The following BTBD9 variants were observed in gnomAD, a reference collection of about 807,000 sequenced individuals.
BTBD9 encodes the protein BTB domain containing 9.
A neutral mutation model predicts 64.3 loss-of-function variants in BTBD9; 49 were observed. The observed-to-expected ratio is 0.76, with a 90% CI of 0.61 to 0.97. The LOEUF is 0.97. Ranked by LOEUF, BTBD9 falls within the 50% of genes least tolerant of loss-of-function variation. The probability of loss-of-function intolerance (pLI) is 0.00; values close to 1 mark genes in which losing one functional copy is unlikely to be tolerated. For synonymous variants in BTBD9, 260 were observed against 274.7 expected (o/e 0.95, Z 0.53); for missense variants, 598 against 762.1 (o/e 0.78, Z 2.53).
rs779801771 is a variant in BTBD9 at position 38,592,808 on chromosome 6, T to C, written c.582A>G (p.Ser194=). ...AAATATCTTTTTCGGGAGCTGCAAA[T>C]GAGTCTCTTAACACGATGTTTAAAA... ...TALLNIVLRD[S]FAAPEKDIFL... The change falls in exon 4 of 11, where the codon TCA becomes TCG. Residue 194 remains serine (S), a synonymous_variant. Coordinates refer to ENST00000481247, the MANE Select transcript of BTBD9 (RefSeq NM_001099272.2). 7 of 1,614,186 alleles carry C rather than the reference T, an allele frequency of 4.3e-6. No individual in the cohort carries two copies. The East Asian group carries it at 1.3e-4, about 31-fold the overall frequency.
At chr6:38,578,215 G>T (rs917709572) in intron 5 of BTBD9, among the ~76,000 whole-genome samples, 4 of 152,100 alleles carry the variant, frequency 2.6e-5, no homozygotes, top group Non-Finnish European at 4.4e-5. Context: ...CCCTCACAGA[G>T]GGCAGCTTAT....
intron 6 of BTBD9, among the ~76,000 whole-genome samples, chr6:38,401,891 A>C (rs1183359847): frequency 6.6e-6 from 1 of 152,192 alleles, no homozygotes; most frequent in Non-Finnish European, 1.5e-5. Flanking sequence ...GTGTTCAACA[A>C]ATGTTAACTA....
chr6:38,544,927 CAAAAAAAAAAAAAAAAAA>C (rs58694810), intron 6 of BTBD9, among the ~76,000 whole-genome samples: 4 of 48,284 alleles, frequency 8.3e-5, no homozygotes, highest in African/African-American at 3.0e-4. Flanking sequence ...AACTACATCT[CAAAAAAAAAAAAAAAAAA>C]AAAAAAAAAA....
intron 8 of BTBD9, among the ~76,000 whole-genome samples, chr6:38,283,996 C>G (rs947644068): frequency 6.6e-6 from 1 of 152,252 alleles, no homozygotes. Flanking sequence ...CTGTCGCTAA[C>G]TGAAGCCTGC....
chr6:38,608,413 G>A (rs905053824), intron 1 of BTBD9, among the ~76,000 whole-genome samples: 1 of 152,140 alleles, frequency 6.6e-6, no homozygotes, highest in Admixed American at 6.6e-5. Context: ...TACAAGACAA[G>A]CCATTTCTGT....
At chr6:38,280,886 C>T (rs1417088552) in intron 8 of BTBD9, among the ~76,000 whole-genome samples, 1 of 152,154 alleles carries the variant, frequency 6.6e-6, no homozygotes, top group Non-Finnish European at 1.5e-5. Context: ...TCTATGTTGT[C>T]AGTTTAGTCA....
At chr6:38,557,067 C>T (rs904565435) in intron 6 of BTBD9, among the ~76,000 whole-genome samples, 28 of 122,320 alleles carry the variant, frequency 2.3e-4, no homozygotes, top group Non-Finnish European at 3.6e-4. Context: ...GGGCCAGGCA[C>T]GGTGGCTCAC....
intron 6 of BTBD9, among the ~76,000 whole-genome samples, chr6:38,490,601 T>C (rs746344219): frequency 2.0e-5 from 3 of 152,130 alleles, no homozygotes; most frequent in Non-Finnish European, 4.4e-5. Flanking sequence ...ATTACAGGTG[T>C]GAGTCACTGT....
chr6:38,315,268 T>C (rs1001082119), intron 7 of BTBD9, among the ~76,000 whole-genome samples: 4 of 152,232 alleles, frequency 2.6e-5, no homozygotes, highest in African/African-American at 9.6e-5. Flanking sequence ...TTTTCTTCAT[T>C]TCAATTTCAT....
At chr6:38,452,060 C>T (rs1182128174) in intron 6 of BTBD9, among the ~76,000 whole-genome samples, 1 of 152,160 alleles carries the variant, frequency 6.6e-6, no homozygotes. Context: ...CCTCTACTCC[C>T]TGTTCCATTT....
chr6:38,191,700 G>A (rs1032736022), intron 10 of BTBD9, among the ~76,000 whole-genome samples: 5 of 152,200 alleles, frequency 3.3e-5, no homozygotes, highest in Non-Finnish European at 7.3e-5. Context: ...AGGCCAAGCA[G>A]AACCCAGGCA....
chr6:38,271,980 AG>A (rs915894161), intron 8 of BTBD9, among the ~76,000 whole-genome samples: 4 of 45,490 alleles, frequency 8.8e-5, no homozygotes, highest in South Asian at 7.2e-4. Flanking sequence ...ATGTGGGGGG[AG>A]GGGGGGAAGC....
At chr6:38,295,485 A>G (rs922235799) in intron 7 of BTBD9, among the ~76,000 whole-genome samples, 3 of 152,090 alleles carry the variant, frequency 2.0e-5, no homozygotes, top group African/African-American at 7.2e-5. Context: ...TTTCTTGTTT[A>G]TAAGTTCTTT....
At chr6:38,596,501 A>T (rs917960572) in intron 2 of BTBD9, among the ~76,000 whole-genome samples, 3 of 152,184 alleles carry the variant, frequency 2.0e-5, no homozygotes, top group African/African-American at 7.2e-5. Context: ...GTTCTGACTT[A>T]ATAAAAAGTG....
intron 6 of BTBD9, among the ~76,000 whole-genome samples, chr6:38,446,956 T>A (rs1562199178): frequency 6.6e-6 from 1 of 152,190 alleles, no homozygotes; most frequent in African/African-American, 2.4e-5. Context: ...ACATGGCTAA[T>A]TAGAAAGTCT....
intron 9 of BTBD9, among the ~76,000 whole-genome samples, chr6:38,203,844 A>T (rs1469236112): frequency 3.3e-5 from 5 of 152,166 alleles, no homozygotes; most frequent in Non-Finnish European, 1.5e-5. Context: ...TCCATAGCAG[A>T]CTAGGGTGAC....
chr6:38,530,798 A>C (rs1459948285), intron 6 of BTBD9, among the ~76,000 whole-genome samples: 1 of 152,176 alleles, frequency 6.6e-6, no homozygotes, highest in Admixed American at 6.5e-5. Flanking sequence ...AATAAAAAGA[A>C]TCAAGCAGAA....
intron 8 of BTBD9, among the ~76,000 whole-genome samples, chr6:38,264,230 C>A (rs1764893614): frequency 1.3e-5 from 2 of 151,940 alleles, no homozygotes; most frequent in Non-Finnish European, 2.9e-5. Flanking sequence ...GGAAGCAGGG[C>A]CAACAGTGAC....
Position 38,171,923 on chromosome 6 carries a change from G to T in BTBD9, c.*3062C>A, listed in dbSNP as rs1198459437. 5.4e-5 allele frequency: 8 copies of T among 147,580 alleles called. No individual in the cohort carries two copies. The allele number at this position is 147,580 out of a possible 1,614,324, so 9.1% of individuals were successfully genotyped here. A position where few individuals can be genotyped will look rare whatever the true frequency, so the allele number is the denominator to read the frequency against. ...TAATAATAATAATGAAAAGTGAAGG[G>T]TGGGGGTGCTGGCCACCTCCCATTT... is the stretch of plus-strand genomic sequence containing the variant. On this transcript the variant is annotated 3_prime_UTR_variant, in exon 11 of 11. Transcript: ENST00000481247.
Sources: gnomAD v4.1 joint callset for allele counts (sites outside exome capture counted in the v4.1 genomes callset) on GRCh38, gnomAD v4.1.1 for gene constraint, MANE v1.5 for transcripts, NCBI Gene and HGNC (gene_info 2026-07-23, HGNC 2026-07-21) for gene names.